The following SDC3 variants were observed in gnomAD, a reference collection of about 807,000 sequenced individuals.
The protein encoded by SDC3 is syndecan-3.
Under a neutral mutation model 24.4 loss-of-function variants are expected in SDC3, and 13 were observed. The ratio of observed to expected loss-of-function variants is 0.53; its 90% CI spans 0.35 to 0.85. The LOEUF (loss-of-function observed/expected upper bound fraction) is 0.85. SDC3 is among the 40% of genes least tolerant of loss of function. SDC3 has a pLI of 0.01. For synonymous variants in SDC3, 295 were observed against 260.9 expected, an observed-to-expected ratio of 1.13 and a Z score of -1.26; for missense variants, 571 against 584.5, an observed-to-expected ratio of 0.98 and a Z score of 0.24.
Position 30,873,178 on chromosome 1 carries a change from G to A in SDC3, c.*33C>T, listed in dbSNP as rs762328815. The A allele has an allele frequency of 3.2e-6, 5 of 1,547,768 alleles. No individual in the cohort carries two copies. The highest frequency in any genetic ancestry group is 4.5e-6 in the Non-Finnish European group (5 of 1,121,330). ...AGGCTGGGGACTGGACAGCAGGGTGGTGTTGAGGCTGCAGGGAGGCACTGT... is the reference window on the plus strand; with the variant it reads ...AGGCTGGGGACTGGACAGCAGGGTGATGTTGAGGCTGCAGGGAGGCACTGT... On this transcript the variant is annotated 3_prime_UTR_variant, in exon 5 of 5. Coordinates refer to ENST00000339394, the MANE Select transcript of SDC3 (RefSeq NM_014654.4).
chr1:30,887,641 T>C (rs1442283009), intron 1 of SDC3, among the ~76,000 whole-genome samples: 1 of 152,216 alleles, frequency 6.6e-6, no homozygotes, highest in Non-Finnish European at 1.5e-5. Flanking sequence ...TTTCCGGGCT[T>C]CAGAGGAATG....
chr1:30,890,981 C>G (rs1639896140), intron 1 of SDC3, among the ~76,000 whole-genome samples: 1 of 152,174 alleles, frequency 6.6e-6, no homozygotes, highest in Non-Finnish European at 1.5e-5. Context: ...TGGAGGGGGA[C>G]AGGCTCAGCC....
chr1:30,874,190 C>T (rs1263635009), intron 4 of SDC3, 107 bp downstream of exon 4: 3 of 922,794 alleles, frequency 3.3e-6, no homozygotes, highest in African/African-American at 3.3e-5. Context: ...CCTAGGAAAC[C>T]ACGCCCTGAT....
upstream of SDC3, among the ~76,000 whole-genome samples, chr1:30,909,303 C>T (rs577188836): frequency 6.6e-6 from 1 of 152,300 alleles, no homozygotes; most frequent in Admixed American, 6.5e-5. Context: ...CCTCTCTGGG[C>T]CTCGGTCTCC....
chr1:30,896,500 C>T (rs1259600394), intron 1 of SDC3, among the ~76,000 whole-genome samples: 1 of 151,976 alleles, frequency 6.6e-6, no homozygotes, highest in East Asian at 1.9e-4. Flanking sequence ...TAGGAGGGGT[C>T]ATTATTGGAT....
chr1:30,882,024 T>C (rs1039254816), intron 1 of SDC3, among the ~76,000 whole-genome samples: 1 of 152,142 alleles, frequency 6.6e-6, no homozygotes, highest in Non-Finnish European at 1.5e-5. Context: ...GATAAGACTA[T>C]GCAGCTCATA....
intron 1 of SDC3, among the ~76,000 whole-genome samples, chr1:30,894,616 TGAGTGTGGGTGA>T (rs1639971739): frequency 7.8e-6 from 1 of 128,190 alleles, no homozygotes; most frequent in Non-Finnish European, 1.7e-5. Context: ...TGGATGAGTG[TGAGTGTGGGTGA>T]GAGTGTGTGG....
intron 1 of SDC3, among the ~76,000 whole-genome samples, chr1:30,896,024 TCC>T: frequency 6.6e-6 from 1 of 151,808 alleles, no homozygotes; most frequent in Non-Finnish European, 1.5e-5. Context: ...AGTGCACCTC[TCC>T]CCGCCTGCAC....
intron 1 of SDC3, among the ~76,000 whole-genome samples, chr1:30,906,153 G>A (rs180915860): frequency 5.3e-5 from 8 of 152,250 alleles, no homozygotes; most frequent in South Asian, 4.2e-4. Context: ...CCTCTGGTGC[G>A]GAACCCCGGC....
chr1:30,873,899 C>T (rs917345624), intron 4 of SDC3, among the ~76,000 whole-genome samples: 5 of 152,058 alleles, frequency 3.3e-5, no homozygotes, highest in Admixed American at 6.6e-5. Context: ...TAGATGCGGC[C>T]AGGGCAGGTC....
chr1:30,877,297 G>A, intron 2 of SDC3, 132 bp from the exon 3 acceptor site: 1 of 1,239,644 alleles, frequency 8.1e-7, no homozygotes. Context: ...TCCCAGAAAA[G>A]ATGAGAGAAA....
chr1:30,875,405 A>G (rs1331116278), intron 3 of SDC3, among the ~76,000 whole-genome samples: 1 of 152,114 alleles, frequency 6.6e-6, no homozygotes, highest in African/African-American at 2.4e-5. Context: ...GTCTGTGTGA[A>G]AACACCAGGC....
At chr1:30,909,301 G>T (rs1168424586), upstream of SDC3, among the ~76,000 whole-genome samples, 1 of 152,138 alleles carries the variant, frequency 6.6e-6, no homozygotes, top group Non-Finnish European at 1.5e-5. Flanking sequence ...GCCCTCTCTG[G>T]GCCTCGGTCT....
At chr1:30,898,614 T>G (rs1638335187) in intron 1 of SDC3, among the ~76,000 whole-genome samples, 1 of 152,096 alleles carries the variant, frequency 6.6e-6, no homozygotes, top group Admixed American at 6.5e-5. Context: ...AAGAGATGCC[T>G]CCTACCCTGG....
At chr1:30,903,958 T>A (rs1198132849) in intron 1 of SDC3, among the ~76,000 whole-genome samples, 2 of 152,060 alleles carry the variant, frequency 1.3e-5, no homozygotes, top group Non-Finnish European at 2.9e-5. Context: ...GGGTTGTGGC[T>A]CACAACTGTA....
chr1:30,876,482 C>T, intron 3 of SDC3, 70 bp downstream of exon 3: 2 of 1,364,800 alleles, frequency 1.5e-6, no homozygotes, highest in Non-Finnish European at 2.0e-6. Flanking sequence ...CTGTCCAGCC[C>T]CATCCTCCTC....
intron 1 of SDC3, among the ~76,000 whole-genome samples, chr1:30,894,897 G>A (rs35395844): frequency 0.042 from 6,310 of 152,036 alleles, 141 homozygotes; most frequent in Middle Eastern, 0.13. Context: ...CCATGTTAGC[G>A]TGGAGGGCTG....
intron 3 of SDC3, among the ~76,000 whole-genome samples, chr1:30,876,038 C>T (rs1345528334): frequency 1.3e-5 from 2 of 152,228 alleles, no homozygotes; most frequent in African/African-American, 4.8e-5. Flanking sequence ...ACGACAGCAG[C>T]TGAGAACCCA....
rs931752935 is a variant in SDC3 at position 30,889,068 on chromosome 1, A to G, written c.139-10328T>C. On this transcript the variant is annotated intron_variant, in intron 1 of 4. Coordinates refer to ENST00000339394, the MANE Select transcript of SDC3 (RefSeq NM_014654.4). ...TCCCCTCCAGAGGCCTGGGAGACAC[A>G]GCAGGGACTCTGATGCTCGACTATG... is the stretch of plus-strand genomic sequence containing the variant. Among the ~76,000 whole-genome samples, 41 of 152,236 alleles carry G rather than the reference A, an allele frequency of 2.7e-4. 1 individual carries two copies. The highest frequency in any genetic ancestry group is 9.2e-4 in the African/African-American group (38 of 41,464).
Sources: allele counts gnomAD v4.1 joint callset (sites outside exome capture counted in the v4.1 genomes callset), GRCh38; gene constraint gnomAD v4.1.1; transcripts MANE v1.5; gene names NCBI Gene and HGNC (gene_info 2026-07-23, HGNC 2026-07-21).